DAB1: variants seen among roughly 807,000 people sequenced by gnomAD.
DAB1 encodes the protein disabled homolog 1.
A neutral mutation model predicts 64.6 loss-of-function variants in DAB1; 15 were observed. The ratio of observed to expected loss-of-function variants is 0.23; its 90% CI spans 0.16 to 0.36. DAB1 has a LOEUF of 0.36. Among genes scored for constraint, DAB1 ranks in the 10% least tolerant of loss-of-function variants. The probability of loss-of-function intolerance (pLI) is 1.00; values close to 1 mark genes in which losing one functional copy is unlikely to be tolerated. For missense variants in DAB1, 596 were observed against 706.7 expected (o/e 0.84, Z 1.78); for synonymous variants, 235 against 251.9 (o/e 0.93, Z 0.64).
At chr1:57,613,741 T>G (rs1242422464) in intron 7 of DAB1, among the ~76,000 whole-genome samples, 4 of 152,180 alleles carry the variant, frequency 2.6e-5, no homozygotes, top group Non-Finnish European at 5.9e-5. Flanking sequence ...TAATTCTACC[T>G]GTGCGAGGGC....
At chr1:57,597,049 GC>G (rs1274861301) in intron 7 of DAB1, among the ~76,000 whole-genome samples, 1 of 152,102 alleles carries the variant, frequency 6.6e-6, no homozygotes, top group African/African-American at 2.4e-5. Context: ...TTTATCCCAG[GC>G]CCTTTGAAAT....
intron 3 of DAB1, among the ~76,000 whole-genome samples, chr1:58,427,924 G>T (rs1173379228): frequency 6.6e-6 from 1 of 152,096 alleles, no homozygotes; most frequent in East Asian, 1.9e-4. Flanking sequence ...GCAATGGGTA[G>T]ACATACACAT....
rs187807775 is a variant in DAB1 at position 58,446,665 on chromosome 1, A to G, written n.257+59395T>C. Among the ~76,000 whole-genome samples, 179 of 152,304 alleles carry G rather than the reference A, an allele frequency of 1.2e-3. No individual in the cohort carries two copies. The East Asian group carries it at 0.03, about 26-fold the overall frequency. On this transcript the variant is annotated intron_variant and non_coding_transcript_variant, in intron 3 of 20. Coordinates refer to the DAB1 transcript ENST00000485760. ...TATCTTCTGAGAAATGCTGGACTAG[A>G]TAACTAACCATGTGTACTCTCTGCT...
At chr1:58,385,738 G>A (rs1478583858) in intron 3 of DAB1, among the ~76,000 whole-genome samples, 2 of 152,210 alleles carry the variant, frequency 1.3e-5, no homozygotes, top group Non-Finnish European at 2.9e-5. Flanking sequence ...TGTTAAGGTT[G>A]CTTTGAGATG....
At chr1:57,818,023 A>G (rs1333716073) in intron 6 of DAB1, among the ~76,000 whole-genome samples, 2 of 151,988 alleles carry the variant, frequency 1.3e-5, no homozygotes, top group Non-Finnish European at 2.9e-5. Flanking sequence ...ACAAATACTC[A>G]CCTCCTGAAC....
chr1:57,312,945 A>G (rs1674852562), intron 1 of DAB1, among the ~76,000 whole-genome samples: 1 of 152,126 alleles, frequency 6.6e-6, no homozygotes, highest in South Asian at 2.1e-4. Context: ...GTCCACTTTA[A>G]CAAGGTCACG....
intron 4 of DAB1, among the ~76,000 whole-genome samples, chr1:57,084,085 T>C (rs1397202437): frequency 6.6e-6 from 1 of 152,242 alleles, no homozygotes; most frequent in Non-Finnish European, 1.5e-5. Context: ...CCCCCATTCA[T>C]ATATTGAAGT....
At chr1:58,499,569 G>A (rs1179800497) in intron 3 of DAB1, among the ~76,000 whole-genome samples, 1 of 151,512 alleles carries the variant, frequency 6.6e-6, no homozygotes, top group Admixed American at 6.6e-5. Flanking sequence ...GTAGCTTCTG[G>A]AGATCTACTA....
At chr1:57,915,707 AG>A (rs1644716685) in intron 5 of DAB1, among the ~76,000 whole-genome samples, 1 of 152,194 alleles carries the variant, frequency 6.6e-6, no homozygotes, top group Admixed American at 6.5e-5. Flanking sequence ...GTATATGAAA[AG>A]CTTGGATATG....
At chr1:57,902,314 C>G (rs1165236690) in intron 5 of DAB1, among the ~76,000 whole-genome samples, 1 of 151,794 alleles carries the variant, frequency 6.6e-6, no homozygotes, top group Non-Finnish European at 1.5e-5. Flanking sequence ...ATATTTTTTT[C>G]TGAAACTACT....
intron 3 of DAB1, among the ~76,000 whole-genome samples, chr1:58,422,102 C>A (rs564579969): frequency 1.3e-5 from 2 of 152,094 alleles, no homozygotes; most frequent in South Asian, 4.2e-4. Flanking sequence ...AGAACCAGAA[C>A]GCATTTCATA....
At chr1:58,099,177 T>C (rs1416687829) in intron 5 of DAB1, among the ~76,000 whole-genome samples, 3 of 152,188 alleles carry the variant, frequency 2.0e-5, no homozygotes, top group Non-Finnish European at 2.9e-5. Flanking sequence ...TGCTGGCTCT[T>C]TTCCCTGGTC....
intron 7 of DAB1, among the ~76,000 whole-genome samples, chr1:57,516,544 G>A (rs755925513): frequency 3.3e-5 from 5 of 152,142 alleles, no homozygotes; most frequent in Non-Finnish European, 5.9e-5. Flanking sequence ...ACAATGACAC[G>A]TTGAGAACAA....
chr1:58,492,931 C>A (rs889352018), intron 3 of DAB1, among the ~76,000 whole-genome samples: 1 of 152,264 alleles, frequency 6.6e-6, no homozygotes, highest in South Asian at 2.1e-4. Context: ...CCAGCATCAT[C>A]CTGATACCAA....
At chr1:58,068,706 C>A (rs1277260720) in intron 5 of DAB1, among the ~76,000 whole-genome samples, 1 of 144,344 alleles carries the variant, frequency 6.9e-6, no homozygotes, top group African/African-American at 2.6e-5. Flanking sequence ...GCAGAGCTTG[C>A]AGTGAGCTGA....
chr1:57,277,805 T>C (rs1021038659), intron 2 of DAB1, among the ~76,000 whole-genome samples: 3 of 152,168 alleles, frequency 2.0e-5, no homozygotes, highest in African/African-American at 7.2e-5. Context: ...GTCCCGTACA[T>C]CATCCTGAAA....
chr1:58,114,028 C>T (rs1344527510), intron 5 of DAB1, among the ~76,000 whole-genome samples: 1 of 150,410 alleles, frequency 6.6e-6, no homozygotes, highest in Non-Finnish European at 1.5e-5. Flanking sequence ...GGGCGGATTA[C>T]TTGAGGTCAG....
In DAB1 at chr1:57,026,083, G is replaced by A. The variant is rs181609758; in HGVS notation, c.724-40C>T. The A allele has an allele frequency of 1.3e-4, 198 of 1,481,492 alleles. No individual in the cohort carries two copies. The African/African-American group carries it at 2.1e-3, about 16-fold the overall frequency. The allele number at this position is 1,481,492 out of a possible 1,614,324, so 91.8% of individuals were successfully genotyped here. ...AGGTAATCATGTGACTACAAAGAAA[G>A]CTGGTGCTGCTGGGCCCTGCTTTAC... On this transcript the variant is annotated intron_variant, in intron 9 of 14. Coordinates refer to ENST00000371236, the MANE Select transcript of DAB1 (RefSeq NM_001365792.1).
chr1:58,074,143 G>A (rs1362492727), intron 5 of DAB1, among the ~76,000 whole-genome samples: 5 of 152,176 alleles, frequency 3.3e-5, no homozygotes, highest in East Asian at 1.9e-4. Flanking sequence ...AACCAAACAC[G>A]TTATAAATAG....
Sources: gnomAD v4.1 joint callset for allele counts (sites outside exome capture counted in the v4.1 genomes callset) on GRCh38, gnomAD v4.1.1 for gene constraint, MANE v1.5 for transcripts, NCBI Gene and HGNC (gene_info 2026-07-23, HGNC 2026-07-21) for gene names.